Variants in SENP3 observed in about 807,000 individuals in gnomAD.
SENP3 encodes the protein SUMO specific peptidase 3.
Under a neutral mutation model 66.2 loss-of-function variants are expected in SENP3, and 11 were observed. That is an observed-to-expected ratio of 0.17 (90% CI 0.10 to 0.28). The LOEUF (loss-of-function observed/expected upper bound fraction) is 0.28, where lower values mean the gene tolerates loss of function less well. SENP3 is among the 10% of genes least tolerant of loss of function. The pLI, the probability that SENP3 is intolerant of heterozygous loss-of-function variation, is 1.00. For missense variants in SENP3, 548 were observed against 743.7 expected, an observed-to-expected ratio of 0.74 and a Z score of 3.06; for synonymous variants, 292 against 277.6, an observed-to-expected ratio of 1.05 and a Z score of -0.52.
rs2071302551 is a variant in SENP3, at chr17:7,570,289, T to C, written c.1342-67T>C. On this transcript the variant is annotated intron_variant, in intron 7 of 10. Transcript: ENST00000321337. The surrounding 1 kb of genome is among the most constrained non-coding windows in gnomAD (Gnocchi z 5.4). Reference sequence around the variant, plus strand: ...CCTTACCTGTGTCTCTGTTCCTCTCTAGAACCTTCATGGCAAAAGGCAAGA... The same window carrying C: ...CCTTACCTGTGTCTCTGTTCCTCTCCAGAACCTTCATGGCAAAAGGCAAGA... 6.3e-7 allele frequency: 1 copy of C among 1,577,092 alleles called. No individual in the cohort carries two copies. The highest frequency in any genetic ancestry group is 1.3e-5 in the African/African-American group (1 of 74,296).
chr17:7,563,415 T>G lies in SENP3; in HGVS notation c.339T>G (p.Pro113=), dbSNP rs756921576. The part of the protein sequence containing the change: ...SQLGTSQRPR[P]SRPTHRKTCS... ...TGGGAACCTCCCAGCGGCCCCGCCC[T>G]TCCCGCCCCACTCATCGAAAAACCT... Residue 113 remains proline (P), a synonymous_variant, in exon 2 of 11, where the codon CCT becomes CCG. Coordinates refer to ENST00000321337, the MANE Select transcript of SENP3 (RefSeq NM_015670.6). 38 of 427,432 alleles carry G rather than the reference T, an allele frequency of 8.9e-5. No homozygotes were observed. The highest frequency in any genetic ancestry group is 1.2e-4 in the Admixed American group (4 of 33,590). 26.5% of individuals were successfully genotyped at this position (427,432 alleles called of 1,614,324 possible).
intron 4 of SENP3, 33 bp downstream of exon 4, chr17:7,565,103 C>G (rs769578933): frequency 7.4e-6 from 11 of 1,479,250 alleles, no homozygotes; most frequent in Non-Finnish European, 1.0e-5. Flanking sequence ...GAAAGAAGGG[C>G]TGGGGCCTTG....
intron 2 of SENP3, 107 bp downstream of exon 2, chr17:7,563,898 T>A: frequency 1.0e-6 from 1 of 989,314 alleles, no homozygotes; most frequent in Non-Finnish European, 1.4e-6. Flanking sequence ...TTAAGGAAAG[T>A]AGGATGGAAG....
rs763671347 is a variant in SENP3, at chr17:7,570,853, T to C, written c.1564-30T>C. 1 of 1,610,506 alleles carries C rather than the reference T, an allele frequency of 6.2e-7. No individual in the cohort carries two copies. Among genetic ancestry groups the C allele is most frequent in the South Asian group, 1.1e-5 (1 of 90,510 alleles). On this transcript the variant is annotated intron_variant, in intron 9 of 10. Coordinates refer to ENST00000321337, the MANE Select transcript of SENP3 (RefSeq NM_015670.6). This position sits in a 1 kb window ranked among gnomAD's most constrained non-coding sequence, Gnocchi z 5.4. ...AGTCCTACCCCTGGGAGTCTCCATG[T>C]GAAGGGCCTGCTTTCTTTCTCTTCT...
At position 7,570,324 on chromosome 17, in the gene SENP3, G is replaced by C. The variant is rs2071302831; in HGVS notation, c.1342-32G>C. The C allele has an allele frequency of 6.2e-7, 1 of 1,601,106 alleles. No individual in the cohort carries two copies. Among genetic ancestry groups the C allele is most frequent in the Non-Finnish European group, 8.6e-7 (1 of 1,169,570 alleles). On this transcript the variant is annotated intron_variant, in intron 7 of 10. Transcript: ENST00000321337. The surrounding 1 kb of genome is among the most constrained non-coding windows in gnomAD (Gnocchi z 5.4). Reference sequence around the variant, plus strand: ...ATGGCAAAAGGCAAGACTTCTGTTTGTTGTACCTGACCTGTGGCACTATCT... The same window carrying C: ...ATGGCAAAAGGCAAGACTTCTGTTTCTTGTACCTGACCTGTGGCACTATCT...
chr17:7,571,250 G>C, intron 10 of SENP3, 123 bp from the exon 11 acceptor site: 1 of 710,386 alleles, frequency 1.4e-6, no homozygotes, highest in East Asian at 2.7e-5. Flanking sequence ...TTGAACCCCA[G>C]GCTGTGGGAC....
Position 7,563,164 on chromosome 17 carries a change from G to A in SENP3, c.88G>A (p.Glu30Lys), listed in dbSNP as rs1444658848. 6.4e-7 allele frequency: 1 copy of A among 1,557,808 alleles called. No individual in the cohort carries two copies. Among genetic ancestry groups the A allele is most frequent in the African/African-American group, 1.4e-5 (1 of 73,446 alleles). ...IPPAYSSPRR[E>K]RLRWPPPPKP... ...CCCAGCTTACTCAAGTCCCAGGCGG[G>A]AGCGTCTTCGTTGGCCCCCACCTCC... The change falls in exon 2 of 11, where the codon GAG becomes AAG. Residue 30 changes from glutamate to lysine, a missense_variant. This residue lies in a region of SENP3 where 164 missense variants were observed against 167.9 expected (regional missense o/e 0.98). Coordinates refer to ENST00000321337, the MANE Select transcript of SENP3 (RefSeq NM_015670.6).
rs2071319773 is a variant in SENP3 at position 7,571,842 on chromosome 17, TATA to T, written c.*360_*362del. The T allele has an allele frequency of 4.5e-4, 9 of 19,952 alleles. 3 individuals are homozygous for T. Among genetic ancestry groups the T allele is most frequent in the South Asian group, 3.0e-3 (2 of 672 alleles). 1.2% of individuals were successfully genotyped at this position (19,952 alleles called of 1,614,324 possible). A position where few individuals can be genotyped will look rare whatever the true frequency, so the allele number is the denominator to read the frequency against. ...CCTGCCAGATCTTCAAACTTTTATA[TATA>T]TATATATATATATATATATATATAT... On this transcript the variant is annotated 3_prime_UTR_variant, in exon 11 of 11. Coordinates refer to ENST00000321337, the MANE Select transcript of SENP3 (RefSeq NM_015670.6).
chr17:7,563,823 GGA>G, intron 2 of SENP3, 32 bp downstream of exon 2: 2 of 1,438,344 alleles, frequency 1.4e-6, no homozygotes, highest in South Asian at 1.3e-5. Flanking sequence ...GGGTTGCGGG[GGA>G]GGGGTTAGGG....
chr17:7,563,331 G>T lies in SENP3; in HGVS notation c.255G>T (p.Glu85Asp), dbSNP rs201692314. The T allele has an allele frequency of 1.3e-6, 2 of 1,552,558 alleles. No individual in the cohort carries two copies. Among genetic ancestry groups the T allele is most frequent in the Admixed American group, 2.0e-5 (1 of 51,072 alleles). Residue 85 changes from glutamate (E) to aspartate (D), a missense_variant, in exon 2 of 11, where the codon GAG (glutamate) becomes GAT (aspartate). By Grantham distance (45) the Glu-to-Asp change is conservative (BLOSUM62 2). Transcript: ENST00000321337. ...AGGAGGAAGAAGAGGAGGAGGAGGAGGATGAAGATGAAGAGGAGGAAGTGG... is the reference window on the plus strand; with the variant it reads ...AGGAGGAAGAAGAGGAGGAGGAGGATGATGAAGATGAAGAGGAGGAAGTGG... ...SEEEEEEEEE[E>D]DEDEEEEVAA...
chr17:7,564,441 C>T (rs1341906805), intron 2 of SENP3, 184 bp from the exon 3 acceptor site: 1 of 807,504 alleles, frequency 1.2e-6, no homozygotes, highest in Non-Finnish European at 2.1e-6. Context: ...TGTAGAATCT[C>T]TTGGACATGT....
intron 7 of SENP3, among the ~76,000 whole-genome samples, chr17:7,567,513 C>A (rs1449376039): frequency 2.7e-5 from 4 of 149,986 alleles, no homozygotes; most frequent in Non-Finnish European, 5.9e-5. Flanking sequence ...GAGCAAAACT[C>A]CGTCTCAAAA....
intron 7 of SENP3, among the ~76,000 whole-genome samples, chr17:7,567,524 A>G (rs1038787329): frequency 6.6e-6 from 1 of 152,106 alleles, no homozygotes; most frequent in Non-Finnish European, 1.5e-5. Flanking sequence ...CGTCTCAAAA[A>G]AAAAAAAAAA....
intron 7 of SENP3, among the ~76,000 whole-genome samples, chr17:7,568,469 G>A (rs1447166441): frequency 2.2e-4 from 33 of 152,116 alleles, no homozygotes; most frequent in African/African-American, 6.8e-4. Context: ...GGTGGCGTGC[G>A]CCTGTAGTCC....
chr17:7,565,313 T>C (rs1364579524), intron 4 of SENP3, 127 bp from the exon 5 acceptor site: 10 of 1,180,788 alleles, frequency 8.5e-6, no homozygotes, highest in African/African-American at 4.6e-5. Context: ...TCGCAGGTCC[T>C]CAGAAGGACC....
At position 7,566,882 on chromosome 17, in the gene SENP3, T is replaced by A. The variant is rs774954022; in HGVS notation, c.1264-45T>A. On this transcript the variant is annotated intron_variant, in intron 6 of 10. Coordinates refer to ENST00000321337, the MANE Select transcript of SENP3 (RefSeq NM_015670.6). Reference sequence around the variant, plus strand: ...GGAGGGGAGACTTAGTGGGAGAGTCTGAGGTCTTTTAATTCCATTGAGCTT... The same window carrying A: ...GGAGGGGAGACTTAGTGGGAGAGTCAGAGGTCTTTTAATTCCATTGAGCTT... 28 of 1,352,240 alleles carry A rather than the reference T, an allele frequency of 2.1e-5. No homozygotes were observed. The South Asian group carries it at 3.4e-4, about 16-fold the overall frequency. 83.8% of individuals were successfully genotyped at this position (1,352,240 alleles called of 1,614,324 possible). A position where few individuals can be genotyped will look rare whatever the true frequency, so the allele number is the denominator to read the frequency against.
chr17:7,571,009 C>T (rs1314910820), intron 10 of SENP3, 76 bp downstream of exon 10: 12 of 1,299,794 alleles, frequency 9.2e-6, no homozygotes, highest in Non-Finnish European at 1.3e-5. Context: ...GTTATGCATC[C>T]CCTCATTTGG....
At chr17:7,566,056 A>T in intron 6 of SENP3, 1 of 284,706 alleles carries the variant, frequency 3.5e-6, no homozygotes, top group Non-Finnish European at 6.6e-6. Flanking sequence ...AAAAAGAAAA[A>T]GGCCACCGGG....
chr17:7,565,751 C>T lies in SENP3; in HGVS notation c.1250C>T (p.Thr417Ile), dbSNP rs1567729003. Residue 417 changes from threonine (T) to isoleucine (I), a missense_variant, in exon 6 of 11, where the codon ACA (threonine) becomes ATA (isoleucine). Physicochemically the swap from Thr to Ile is moderately conservative, Grantham distance 89. Coordinates refer to ENST00000321337, the MANE Select transcript of SENP3 (RefSeq NM_015670.6). ...MNMYGDLVMD[T>I]VPEKVHFFNS... The stretch of plus-strand genomic sequence containing the variant: ...ATGTATGGAGACCTGGTCATGGACA[C>T]AGTCCCTGAAAAGGTAGGCCCAACC... 1 of 1,613,984 alleles carries T rather than the reference C, an allele frequency of 6.2e-7. No individual in the cohort carries two copies. Among genetic ancestry groups the T allele is most frequent in the East Asian group, 2.2e-5 (1 of 44,878 alleles).
Sources: allele counts gnomAD v4.1 joint callset (sites outside exome capture counted in the v4.1 genomes callset), GRCh38; gene constraint gnomAD v4.1.1; regional missense constraint gnomAD v4.1.1; non-coding constraint Gnocchi (gnomAD v3.1); transcripts MANE v1.5; gene names NCBI Gene and HGNC (gene_info 2026-07-23, HGNC 2026-07-21).